MALRD1: variants seen among roughly 807,000 people sequenced by gnomAD.
The protein encoded by MALRD1 is MAM and LDL-receptor class A domain-containing protein 1.
Under a neutral mutation model 242.1 loss-of-function variants are expected in MALRD1, and 247 were observed. The ratio of observed to expected loss-of-function variants is 1.02; its 90% confidence interval spans 0.92 to 1.13. MALRD1 has a LOEUF of 1.13. MALRD1 is among the 50% of genes most tolerant of loss of function. MALRD1 has a pLI of 0.00. For synonymous variants in MALRD1, 995 were observed against 866.6 expected, an observed-to-expected ratio of 1.15 and a Z score of -2.60; for missense variants, 2,989 against 2,533.1, an observed-to-expected ratio of 1.18 and a Z score of -3.86.
chr10:19,718,584 A>G (rs1377917548), intron 38 of MALRD1, among the ~76,000 whole-genome samples: 1 of 152,090 alleles, frequency 6.6e-6, no homozygotes, highest in Non-Finnish European at 1.5e-5. Context: ...TCTACCTCCA[A>G]TATTAGGGAT....
chr10:19,436,908 C>T (rs927854702), intron 28 of MALRD1, among the ~76,000 whole-genome samples: 3 of 152,160 alleles, frequency 2.0e-5, no homozygotes, highest in Non-Finnish European at 2.9e-5. Flanking sequence ...TCCCCTGTTG[C>T]TCACCTATTC....
At chr10:19,188,453 T>TAA (rs1196793300) in intron 14 of MALRD1, among the ~76,000 whole-genome samples, 2 of 152,148 alleles carry the variant, frequency 1.3e-5, no homozygotes, top group African/African-American at 2.4e-5. Context: ...GGAGGTGAGA[T>TAA]AAATTGAACT....
At chr10:19,702,762 T>C (rs1464257327) in intron 38 of MALRD1, among the ~76,000 whole-genome samples, 1 of 152,044 alleles carries the variant, frequency 6.6e-6, no homozygotes, top group East Asian at 1.9e-4. Context: ...TGGCTCACCT[T>C]GAAAATAATG....
chr10:19,048,310 T>A (rs1834389850), upstream of MALRD1, among the ~76,000 whole-genome samples: 1 of 152,226 alleles, frequency 6.6e-6, no homozygotes, highest in Non-Finnish European at 1.5e-5. Flanking sequence ...TTTAAAAATC[T>A]ATGGTTCTTA....
chr10:19,270,277 T>G (rs1406586124), intron 19 of MALRD1, among the ~76,000 whole-genome samples: 1 of 151,480 alleles, frequency 6.6e-6, no homozygotes, highest in Non-Finnish European at 1.5e-5. Flanking sequence ...ATCGCGCCAC[T>G]GCACTCCAGC....
intron 12 of MALRD1, among the ~76,000 whole-genome samples, chr10:19,165,286 G>GT (rs1834641127): frequency 2.2e-5 from 2 of 91,426 alleles, no homozygotes; most frequent in South Asian, 4.1e-4. Flanking sequence ...TTTTGTTTTT[G>GT]TTTTGTTTTG....
At chr10:19,544,424 G>A (rs983432490) in intron 32 of MALRD1, among the ~76,000 whole-genome samples, 3 of 152,066 alleles carry the variant, frequency 2.0e-5, no homozygotes, top group African/African-American at 4.8e-5. Context: ...CTGACCTCAA[G>A]TGATTCGCCC....
At chr10:19,284,011 G>C (rs76605482) in intron 21 of MALRD1, among the ~76,000 whole-genome samples, 130 of 152,300 alleles carry the variant, frequency 8.5e-4, no homozygotes, top group Non-Finnish European at 1.5e-3. Context: ...CAAGGAAAGG[G>C]TTTGTTAGTG....
chr10:19,514,357 A>G lies in MALRD1; in HGVS notation c.5320+15711A>G, dbSNP rs191480561. Among the ~76,000 whole-genome samples the G allele has an allele frequency of 8.9e-4, 136 of 152,282 alleles. 1 individual carries two copies. Among genetic ancestry groups the G allele is most frequent in the Admixed American group, 8.6e-3 (132 of 15,300 alleles). Reference sequence around the variant, plus strand: ...GTTTAGTATCACTTATTATTTGACAATGTTTCCCATGCCATTTAACATGTT... The same window carrying G: ...GTTTAGTATCACTTATTATTTGACAGTGTTTCCCATGCCATTTAACATGTT... On this transcript the variant is annotated intron_variant, in intron 31 of 39. Transcript: ENST00000454679.
intron 2 of MALRD1, among the ~76,000 whole-genome samples, chr10:19,067,465 G>A (rs1358834417): frequency 6.6e-6 from 1 of 152,112 alleles, no homozygotes; most frequent in Non-Finnish European, 1.5e-5. Context: ...GGTAGAAAAA[G>A]AGGTAACACA....
At chr10:19,515,211 A>C (rs1393957520) in intron 31 of MALRD1, among the ~76,000 whole-genome samples, 2 of 152,148 alleles carry the variant, frequency 1.3e-5, no homozygotes, top group African/African-American at 2.4e-5. Flanking sequence ...AATTATTTCT[A>C]GTAATTTTAG....
intron 31 of MALRD1, among the ~76,000 whole-genome samples, chr10:19,516,462 A>G (rs530200711): frequency 1.3e-5 from 2 of 152,206 alleles, no homozygotes; most frequent in Non-Finnish European, 1.5e-5. Context: ...CAAGTACAAT[A>G]ATATGAAACT....
chr10:19,442,015 T>G (rs1834688920), intron 28 of MALRD1, among the ~76,000 whole-genome samples: 1 of 152,264 alleles, frequency 6.6e-6, no homozygotes, highest in South Asian at 2.1e-4. Flanking sequence ...TCATTGAGCA[T>G]TGGTTTGTAG....
At chr10:19,411,996 T>G (rs890349679) in intron 28 of MALRD1, among the ~76,000 whole-genome samples, 4 of 152,214 alleles carry the variant, frequency 2.6e-5, no homozygotes, top group Non-Finnish European at 5.9e-5. Flanking sequence ...GTATAACATG[T>G]AATGGTATTA....
intron 34 of MALRD1, among the ~76,000 whole-genome samples, chr10:19,603,043 G>GT (rs911680336): frequency 1.3e-5 from 2 of 151,618 alleles, no homozygotes; most frequent in African/African-American, 2.4e-5. Flanking sequence ...TGATGGGGTT[G>GT]TTTTTTTTCT....
chr10:19,706,814 A>G (rs556689972), intron 38 of MALRD1, among the ~76,000 whole-genome samples: 3 of 152,198 alleles, frequency 2.0e-5, no homozygotes, highest in East Asian at 1.9e-4. Context: ...CTGAATTTGC[A>G]TTATGTTTGA....
intron 38 of MALRD1, among the ~76,000 whole-genome samples, chr10:19,704,105 A>T (rs1452921647): frequency 6.9e-6 from 1 of 144,302 alleles, no homozygotes; most frequent in Non-Finnish European, 1.5e-5. Flanking sequence ...TAGTAAATAA[A>T]CTAACAAAAG....
At chr10:19,630,650 G>C (rs1238645582) in intron 36 of MALRD1, among the ~76,000 whole-genome samples, 1 of 152,034 alleles carries the variant, frequency 6.6e-6, no homozygotes, top group Non-Finnish European at 1.5e-5. Flanking sequence ...TTTCTCCATA[G>C]CAATGTAAGT....
Position 19,692,524 on chromosome 10 carries a change from G to A in MALRD1, c.6284G>A (p.Cys2095Tyr), listed in dbSNP as rs1833127049. 4 of 1,535,524 alleles carry A rather than the reference G, an allele frequency of 2.6e-6. No individual in the cohort carries two copies. The highest frequency in any genetic ancestry group is 2.0e-5 in the Admixed American group (1 of 50,892). The change falls in exon 38 of 40, where the codon TGT (cysteine) becomes TAT (tyrosine). Residue 2095 changes from cysteine to tyrosine, a missense_variant. Cys to Tyr is a radical substitution (Grantham distance 194, BLOSUM62 -2). Transcript: ENST00000454679. Reference protein sequence around the residue: ...LMTHITVAVLCFLANRKVPIR... With the variant: ...LMTHITVAVLYFLANRKVPIR... ...ACTCACATCACAGTTGCAGTCTTGT[G>A]TTTTCTTGCAAACAGAAAGGTACCA...
Sources: gnomAD v4.1 joint callset for allele counts (sites outside exome capture counted in the v4.1 genomes callset) on GRCh38, gnomAD v4.1.1 for gene constraint, MANE v1.5 for transcripts, NCBI Gene and HGNC (gene_info 2026-07-23, HGNC 2026-07-21) for gene names.